NRXN1: variants seen among roughly 807,000 people sequenced by gnomAD.
NRXN1 encodes neurexin-1.
NRXN1 carries 39 observed loss-of-function variants against 150.9 expected under a neutral mutation model. The observed-to-expected ratio is 0.26, with a 90% confidence interval of 0.20 to 0.34. NRXN1 has a LOEUF of 0.34. Ranked by LOEUF, NRXN1 falls within the 10% of genes least tolerant of loss-of-function variation. The pLI is 1.00. For synonymous variants in NRXN1, 924 were observed against 757.0 expected (o/e 1.22, Z -3.62); for missense variants, 1,815 against 1,949.9 (o/e 0.93, Z 1.30).
At chr2:50,036,350 T>A (rs1435416965) in intron 21 of NRXN1, among the ~76,000 whole-genome samples, 3 of 152,154 alleles carry the variant, frequency 2.0e-5, no homozygotes, top group Non-Finnish European at 4.4e-5. Flanking sequence ...GTAAGTTTCC[T>A]GAGGCCTCTC....
At chr2:50,249,169 AG>A (rs2066802285) in intron 17 of NRXN1, among the ~76,000 whole-genome samples, 2 of 148,448 alleles carry the variant, frequency 1.3e-5, no homozygotes, top group South Asian at 2.1e-4. Context: ...AAAAAAAAAA[AG>A]AATGAAATAT....
chr2:50,182,084 G>A (rs1208157342), intron 18 of NRXN1, among the ~76,000 whole-genome samples: 1 of 145,076 alleles, frequency 6.9e-6, no homozygotes, highest in Non-Finnish European at 1.5e-5. Flanking sequence ...TTTTTCATTG[G>A]TTACTACTTC....
In NRXN1 at chr2:50,914,209, G is replaced by GT. The variant is rs369984064; in HGVS notation, c.832+7659dup. On this transcript the variant is annotated intron_variant, in intron 5 of 22. Transcript: ENST00000401669. ...GTCATCTACTTGGACATACAATAAT[G>GT]TATCTGTGTGCTGAGAAAGAAAAAT... 7.6e-3 allele frequency among the ~76,000 whole-genome samples: 1,160 copies of GT among 151,682 alleles called. 15 individuals are homozygous for GT. The highest frequency in any genetic ancestry group is 0.027 in the African/African-American group (1,100 of 41,436).
chr2:50,486,658 G>A (rs1387933325), intron 15 of NRXN1, among the ~76,000 whole-genome samples: 2 of 152,098 alleles, frequency 1.3e-5, no homozygotes, highest in Non-Finnish European at 2.9e-5. Flanking sequence ...GTAGGGGAGT[G>A]TGAGTGGGGC....
Position 49,921,312 on chromosome 2 carries a change from G to T in NRXN1, c.*632C>A, listed in dbSNP as rs201262848. ...AACGTGCCTTATATTTCACATTTTTGAAAATAAGGCCTCCATACTTTTTTT... is the reference window on the plus strand; with the variant it reads ...AACGTGCCTTATATTTCACATTTTTTAAAATAAGGCCTCCATACTTTTTTT... On this transcript the variant is annotated 3_prime_UTR_variant, in exon 23 of 23. Transcript: ENST00000401669. 1 of 152,370 alleles carries T rather than the reference G, an allele frequency of 6.6e-6. No homozygotes were observed. The highest frequency in any genetic ancestry group is 2.1e-4 in the South Asian group (1 of 4,818). 9.4% of individuals were successfully genotyped at this position (152,370 alleles called of 1,614,324 possible).
chr2:50,425,843 A>G (rs927601186), intron 17 of NRXN1, among the ~76,000 whole-genome samples: 1 of 152,086 alleles, frequency 6.6e-6, no homozygotes, highest in Admixed American at 6.6e-5. Context: ...TCACCTTTTC[A>G]AGAAGCTTCA....
intron 21 of NRXN1, chr2:49,970,481 A>G (rs1038866995): frequency 6.6e-6 from 1 of 152,060 alleles, no homozygotes; most frequent in Non-Finnish European, 1.5e-5. Context: ...ATATCCATGA[A>G]TGTATAATTG....
At chr2:50,627,773 G>T (rs77469427) in intron 5 of NRXN1, among the ~76,000 whole-genome samples, 1 of 151,662 alleles carries the variant, frequency 6.6e-6, no homozygotes, top group South Asian at 2.1e-4. Flanking sequence ...AGAAAGCGAG[G>T]CTCATGGAGT....
chr2:50,472,795 T>TTGTGTGTGTGTG lies in NRXN1; in HGVS notation c.3071-336_3071-325dup, dbSNP rs113192574. Among the ~76,000 whole-genome samples the TTGTGTGTGTGTG allele has an allele frequency of 7.5e-3, 1,037 of 138,564 alleles. 8 individuals are homozygous for TTGTGTGTGTGTG. Among genetic ancestry groups the TTGTGTGTGTGTG allele is most frequent in the African/African-American group, 0.021 (734 of 34,808 alleles). 90.9% of individuals were successfully genotyped at this position (138,564 alleles called of 152,430 possible). ...CTGGTTATTTGCAAGCCCTACAGCCTTGTGTGTGTGTGTGTGTGTGTGTGT... is the reference window on the plus strand; with the variant it reads ...CTGGTTATTTGCAAGCCCTACAGCCTTGTGTGTGTGTGTGTGTGTGTGTGTGTGTGTGTGTGT... On this transcript the variant is annotated intron_variant, in intron 15 of 22. Coordinates refer to ENST00000401669, the MANE Select transcript of NRXN1 (RefSeq NM_001330078.2).
intron 5 of NRXN1, among the ~76,000 whole-genome samples, chr2:50,867,840 G>C (rs1677158387): frequency 6.6e-6 from 1 of 151,638 alleles, no homozygotes; most frequent in African/African-American, 2.4e-5. Flanking sequence ...AAGTATTTTT[G>C]ACAGCAATTA....
intron 18 of NRXN1, among the ~76,000 whole-genome samples, chr2:50,142,286 G>C (rs1215591461): frequency 6.6e-6 from 1 of 151,898 alleles, no homozygotes; most frequent in African/African-American, 2.4e-5. Context: ...TATAATGATA[G>C]ATACCAGAGG....
chr2:50,824,575 G>C (rs189278315), intron 5 of NRXN1, among the ~76,000 whole-genome samples: 135 of 152,264 alleles, frequency 8.9e-4, no homozygotes, highest in African/African-American at 2.8e-3. Context: ...CTAGGATCCA[G>C]TAAAGGGATA....
chr2:50,422,750 G>A (rs2084097358), intron 17 of NRXN1, among the ~76,000 whole-genome samples: 1 of 152,158 alleles, frequency 6.6e-6, no homozygotes, highest in Non-Finnish European at 1.5e-5. Flanking sequence ...GTAGCAACCA[G>A]AACCACAAAT....
At chr2:50,267,802 T>C (rs1292860583) in intron 17 of NRXN1, among the ~76,000 whole-genome samples, 1 of 152,174 alleles carries the variant, frequency 6.6e-6, no homozygotes, top group Non-Finnish European at 1.5e-5. Flanking sequence ...TTTCAAAATA[T>C]GTTTCACATT....
chr2:51,019,291 A>G (rs1257251422), intron 2 of NRXN1, among the ~76,000 whole-genome samples: 6 of 152,126 alleles, frequency 3.9e-5, no homozygotes, highest in Non-Finnish European at 5.9e-5. Context: ...GATAAAATCG[A>G]TATTTTATAA....
chr2:50,515,173 C>T (rs926990276), intron 12 of NRXN1, among the ~76,000 whole-genome samples: 1 of 152,114 alleles, frequency 6.6e-6, no homozygotes, highest in Admixed American at 6.6e-5. Flanking sequence ...GAATGCAAAC[C>T]CTATTGTGAA....
chr2:50,221,045 C>T (rs2063844984), intron 18 of NRXN1, among the ~76,000 whole-genome samples: 1 of 152,002 alleles, frequency 6.6e-6, no homozygotes, highest in African/African-American at 2.4e-5. Context: ...AGGTGCTCCT[C>T]TGTTTGTTTT....
intron 5 of NRXN1, among the ~76,000 whole-genome samples, chr2:50,715,528 A>T (rs572222905): frequency 6.6e-6 from 1 of 152,322 alleles, no homozygotes; most frequent in South Asian, 2.1e-4. Flanking sequence ...GCTCATAAAT[A>T]TGCCGTCTAT....
chr2:50,833,237 C>A (rs538807885), intron 5 of NRXN1, among the ~76,000 whole-genome samples: 1 of 152,218 alleles, frequency 6.6e-6, no homozygotes, highest in South Asian at 2.1e-4. Flanking sequence ...GGTGAGAATG[C>A]AAAATGGTAC....
Sources: gnomAD v4.1 joint callset for allele counts (sites outside exome capture counted in the v4.1 genomes callset) on GRCh38, gnomAD v4.1.1 for gene constraint, MANE v1.5 for transcripts, NCBI Gene and HGNC (gene_info 2026-07-23, HGNC 2026-07-21) for gene names.